Variants in TSPEAR observed in about 807,000 individuals in gnomAD.
The protein encoded by TSPEAR is thrombospondin type laminin G domain and EAR repeats, also known as thrombospondin-type laminin G domain and EAR repeat-containing protein.
Under a neutral mutation model 71.6 loss-of-function variants are expected in TSPEAR, and 69 were observed. The ratio of observed to expected loss-of-function variants is 0.96; its 90% confidence interval spans 0.79 to 1.18. The LOEUF (loss-of-function observed/expected upper bound fraction) is 1.18, where lower values mean the gene tolerates loss of function less well. TSPEAR is among the 50% of genes most tolerant of loss of function. The probability of loss-of-function intolerance (pLI) is 0.00; values close to 1 mark genes in which losing one functional copy is unlikely to be tolerated. For synonymous variants in TSPEAR, 402 were observed against 387.2 expected (o/e 1.04, Z -0.45); for missense variants, 971 against 894.9 (o/e 1.09, Z -1.09).
intron 1 of TSPEAR, chr21:44,600,884 C>T (rs1555928481): frequency 8.1e-6 from 13 of 1,611,538 alleles, no homozygotes; most frequent in Admixed American, 3.3e-5. Flanking sequence ...TGCACGCCCT[C>T]GTGCTGCCAG....
At position 44,612,307 on chromosome 21, in the gene TSPEAR, C is replaced by T; in HGVS notation, c.83-44302G>A. ...GTACCCCTAGCTGCTGTGCCCCAGC[C>T]CCCTGCCTGGCCCTGGTCTGTGCCC... is the stretch of plus-strand genomic sequence containing the variant. On this transcript the variant is annotated intron_variant, in intron 1 of 11. Coordinates refer to ENST00000323084, the MANE Select transcript of TSPEAR (RefSeq NM_144991.3). This position sits in a 1 kb window ranked among gnomAD's most constrained non-coding sequence, Gnocchi z 4.1. 1 of 1,613,692 alleles carries T rather than the reference C, an allele frequency of 6.2e-7. No individual in the cohort carries two copies. Among genetic ancestry groups the T allele is most frequent in the Non-Finnish European group, 8.5e-7 (1 of 1,180,008 alleles).
intron 1 of TSPEAR, among the ~76,000 whole-genome samples, chr21:44,597,177 GTTT>G (rs1307985014): frequency 6.6e-6 from 1 of 151,844 alleles, no homozygotes; most frequent in African/African-American, 2.4e-5. Flanking sequence ...TTAAAAAACA[GTTT>G]TTTATTTTAA....
chr21:44,607,165 C>T (rs782681828), intron 1 of TSPEAR, among the ~76,000 whole-genome samples: 3 of 152,138 alleles, frequency 2.0e-5, no homozygotes, highest in East Asian at 1.9e-4. Flanking sequence ...CTGCAACCTC[C>T]GCCTCCCGGG....
intron 1 of TSPEAR, among the ~76,000 whole-genome samples, chr21:44,688,391 G>C (rs1986955844): frequency 1.3e-5 from 2 of 152,304 alleles, no homozygotes; most frequent in African/African-American, 4.8e-5. Flanking sequence ...GGGAGGGCAA[G>C]TGAGTTTACC....
intron 9 of TSPEAR, chr21:44,517,488 A>G: frequency 3.4e-6 from 1 of 295,572 alleles, no homozygotes; most frequent in Non-Finnish European, 6.7e-6. Flanking sequence ...AGGCTGGGTC[A>G]TATGACAAGC....
In TSPEAR at chr21:44,500,874, C is replaced by A. The variant is rs116684303; in HGVS notation, c.1857-938G>T. ...TGTGTGGTAAAGAGTTTGTCTTTTGCTTTTGAATAGGATGTCTGTTTCCAT... is the reference window on the plus strand; with the variant it reads ...TGTGTGGTAAAGAGTTTGTCTTTTGATTTTGAATAGGATGTCTGTTTCCAT... On this transcript the variant is annotated intron_variant, in intron 11 of 11. Transcript: ENST00000323084. 6.0e-3 allele frequency among the ~76,000 whole-genome samples: 917 copies of A among 152,194 alleles called. 15 individuals are homozygous for A. The highest frequency in any genetic ancestry group is 0.019 in the African/African-American group (800 of 41,512).
rs34384761 is a variant in TSPEAR, at chr21:44,645,358, CTT to C, written c.82+66073_82+66074del. Among the ~76,000 whole-genome samples the C allele has an allele frequency of 5.5e-3, 725 of 130,802 alleles. 5 individuals carry two copies. The highest frequency in any genetic ancestry group is 4.5e-3 in the Non-Finnish European group (272 of 60,572). The allele number at this position is 130,802 out of a possible 152,430, so 85.8% of individuals were successfully genotyped here. A position where few individuals can be genotyped will look rare whatever the true frequency, so the allele number is the denominator to read the frequency against. ...AGGGATCGAAGGGAGGGCCACTTAG[CTT>C]TTTTTTTTTTTTTTGAGACAGAGTC... On this transcript the variant is annotated intron_variant, in intron 1 of 11. Coordinates refer to ENST00000323084, the MANE Select transcript of TSPEAR (RefSeq NM_144991.3).
chr21:44,539,906 T>G, intron 2 of TSPEAR: 1 of 1,613,868 alleles, frequency 6.2e-7, no homozygotes, highest in Non-Finnish European at 8.5e-7. Flanking sequence ...GCAGCTAGAC[T>G]GCTGGCAGCA....
At chr21:44,628,074 C>A in intron 1 of TSPEAR, 2 of 1,595,376 alleles carry the variant, frequency 1.3e-6, no homozygotes, top group Middle Eastern at 3.4e-4. Context: ...CAGGGCCAGC[C>A]GGGCTCAGGC....
intron 1 of TSPEAR, among the ~76,000 whole-genome samples, chr21:44,626,583 A>C (rs1228251730): frequency 2.0e-5 from 3 of 152,232 alleles, no homozygotes; most frequent in African/African-American, 7.2e-5. Context: ...CTGCCTCCCA[A>C]GCAAAGGACA....
chr21:44,684,467 G>A (rs541628344), intron 1 of TSPEAR, among the ~76,000 whole-genome samples: 1 of 152,208 alleles, frequency 6.6e-6, no homozygotes, highest in Non-Finnish European at 1.5e-5. Context: ...CCAGGAGTTC[G>A]AAGCTGCAGT....
At chr21:44,528,916 AGGAG>A (rs587723644) in intron 5 of TSPEAR, among the ~76,000 whole-genome samples, 387 of 152,344 alleles carry the variant, frequency 2.5e-3, no homozygotes, top group African/African-American at 8.9e-3. Flanking sequence ...GTCCCCCCTC[AGGAG>A]GGAGTCCCTG....
intron 10 of TSPEAR, chr21:44,508,502 G>C: frequency 1.0e-5 from 11 of 1,084,026 alleles, no homozygotes; most frequent in Admixed American, 4.3e-5. Context: ...CTGGGATCTG[G>C]GTAATACGGA....
chr21:44,555,616 G>C (rs1398470640), intron 2 of TSPEAR, among the ~76,000 whole-genome samples: 1 of 152,160 alleles, frequency 6.6e-6, no homozygotes, highest in African/African-American at 2.4e-5. Flanking sequence ...CCTAGTGTGA[G>C]AAGTCCCCTC....
chr21:44,594,414 G>A (rs1980219233), intron 1 of TSPEAR, among the ~76,000 whole-genome samples: 1 of 152,192 alleles, frequency 6.6e-6, no homozygotes, highest in South Asian at 2.1e-4. Context: ...CACACTAGGG[G>A]ATAAATTGCT....
intron 1 of TSPEAR, among the ~76,000 whole-genome samples, chr21:44,706,587 C>A (rs1987938034): frequency 6.6e-6 from 1 of 152,214 alleles, no homozygotes. Flanking sequence ...CCCACGCAGT[C>A]GTTTTGCTGG....
At chr21:44,575,513 C>A in intron 1 of TSPEAR, 1 of 165,558 alleles carries the variant, frequency 6.0e-6, no homozygotes, top group Admixed American at 5.5e-5. Flanking sequence ...CCAGGCTAGA[C>A]GGACATGGAC....
intron 1 of TSPEAR, among the ~76,000 whole-genome samples, chr21:44,573,494 T>C (rs587697788): frequency 1.4e-4 from 22 of 152,284 alleles, no homozygotes; most frequent in African/African-American, 5.1e-4. Flanking sequence ...CTCCTGAGTC[T>C]AAAACACGCA....
At position 44,525,155 on chromosome 21, in the gene TSPEAR, TAGTCAGTC is replaced by T. The variant is rs58689458; in HGVS notation, c.1336+490_1336+497del. Among the ~76,000 whole-genome samples the T allele has an allele frequency of 4.3e-3, 654 of 151,660 alleles. 5 individuals are homozygous for T. Among genetic ancestry groups the T allele is most frequent in the Non-Finnish European group, 6.9e-3 (471 of 67,840 alleles). ...GTAGTCAGTCAGACAGTCAGGTAGTTAGTCAGTCAGTCAGTCAGTGAAGTAGTCAGTCA... is the reference window on the plus strand; with the variant it reads ...GTAGTCAGTCAGACAGTCAGGTAGTTAGTCAGTCAGTGAAGTAGTCAGTCA... On this transcript the variant is annotated intron_variant, in intron 8 of 11. Coordinates refer to ENST00000323084, the MANE Select transcript of TSPEAR (RefSeq NM_144991.3).
Sources: gnomAD v4.1 joint callset for allele counts (sites outside exome capture counted in the v4.1 genomes callset) on GRCh38, gnomAD v4.1.1 for gene constraint, Gnocchi (gnomAD v3.1) non-coding constraint, MANE v1.5 for transcripts, NCBI Gene and HGNC (gene_info 2026-07-23, HGNC 2026-07-21) for gene names.